The following DENND2B variants were observed in gnomAD, a reference collection of about 807,000 sequenced individuals.
DENND2B encodes the protein DENN domain-containing protein 2B.
In DENND2B, 32 loss-of-function variants were observed where a neutral mutation model predicts 116.0. The observed-to-expected ratio is 0.28, with a 90% confidence interval of 0.21 to 0.37. The LOEUF (loss-of-function observed/expected upper bound fraction) is 0.37, where lower values mean the gene tolerates loss of function less well. Ranked by LOEUF, DENND2B falls within the 10% of genes least tolerant of loss-of-function variation. The pLI is 1.00. For missense variants in DENND2B, 1,276 were observed against 1,477.7 expected (o/e 0.86, Z 2.24); for synonymous variants, 588 against 583.9 (o/e 1.01, Z -0.10).
upstream of DENND2B, chr11:8,871,503 G>A (rs562797950): frequency 6.6e-6 from 1 of 152,358 alleles, no homozygotes; most frequent in Non-Finnish European, 1.5e-5. Context: ...GGAGCTGGGA[G>A]AGTCTGGGAA....
At chr11:8,826,037 C>T (rs532816680) in intron 4 of DENND2B, among the ~76,000 whole-genome samples, 1 of 152,256 alleles carries the variant, frequency 6.6e-6, no homozygotes, top group East Asian at 1.9e-4. Context: ...TCTTTTGGAG[C>T]CCCTTAAACT....
chr11:8,711,099 C>G (rs768467704), intron 10 of DENND2B, 23 bp downstream of exon 10: 79 of 1,610,338 alleles, frequency 4.9e-5, no homozygotes, highest in Non-Finnish European at 6.5e-5. Context: ...CTCCTTCCTC[C>G]CTCAGGCCAG....
chr11:8,804,846 C>T (rs1469911803), intron 1 of DENND2B, among the ~76,000 whole-genome samples: 2 of 152,092 alleles, frequency 1.3e-5, no homozygotes, highest in Non-Finnish European at 2.9e-5. Context: ...GCCCAACCAG[C>T]AGCTACTTCT....
intron 1 of DENND2B, among the ~76,000 whole-genome samples, chr11:8,795,124 T>C (rs72849153): frequency 0.01 from 1,533 of 152,262 alleles, 19 homozygotes; most frequent in Non-Finnish European, 0.017. Flanking sequence ...TTTCCAAAAA[T>C]CAGACAAGCA....
chr11:8,816,132 C>A (rs2061559991), intron 4 of DENND2B, among the ~76,000 whole-genome samples: 1 of 152,184 alleles, frequency 6.6e-6, no homozygotes, highest in African/African-American at 2.4e-5. Flanking sequence ...TTGGTTGGAT[C>A]TTAGAATGCC....
intron 2 of DENND2B, among the ~76,000 whole-genome samples, chr11:8,749,893 G>C (rs980383064): frequency 6.6e-6 from 1 of 152,184 alleles, no homozygotes. Context: ...GACCAGAGAA[G>C]CCCTGGTGAG....
At chr11:8,696,359 A>AG in intron 18 of DENND2B, 68 bp downstream of exon 18, 1 of 1,584,956 alleles carries the variant, frequency 6.3e-7, no homozygotes, top group African/African-American at 1.4e-5. Context: ...CTTCCATCAT[A>AG]GTGCCTGGTT....
In DENND2B at chr11:8,730,385, T is replaced by G; in HGVS notation, c.905A>C (p.Gln302Pro). Residue 302 changes from glutamine (Q) to proline (P), a missense_variant, in exon 3 of 20, where the codon CAG becomes CCG. Gln to Pro is a moderately conservative substitution (Grantham distance 76, BLOSUM62 -1). This residue lies in a region of DENND2B where 856 missense variants were observed against 846.6 expected (regional missense o/e 1.01). Transcript: ENST00000313726. The surrounding 1 kb of genome is among the most constrained non-coding windows in gnomAD (Gnocchi z 4.1). The part of the protein sequence containing the change: ...LKEQPGRGLP[Q>P]LPSSCYSVDR... ...CACGCTGTAGCAGCTGCTGGGGAGC[T>G]GGGGGAGCCCCCGGCCCGGCTGCTC... 6.2e-7 allele frequency: 1 copy of G among 1,605,244 alleles called. No individual in the cohort carries two copies. The highest frequency in any genetic ancestry group is 8.5e-7 in the Non-Finnish European group (1 of 1,179,924).
rs1271750009 is a variant in DENND2B, at chr11:8,702,775, C to T, written c.2572-55G>A. On this transcript the variant is annotated intron_variant, in intron 13 of 19. Transcript: ENST00000313726. The surrounding 1 kb of genome is among the most constrained non-coding windows in gnomAD (Gnocchi z 4.6). ...GGGCCAGCCAAGTGGGTGCTGCCCT[C>T]TGGCCCTCCACGAAGCAACTGGAGC... 1.3e-6 allele frequency: 2 copies of T among 1,584,536 alleles called. No individual in the cohort carries two copies. The highest frequency in any genetic ancestry group is 1.7e-6 in the Non-Finnish European group (2 of 1,168,460).
In DENND2B at chr11:8,892,604, G is replaced by A. The variant is rs536653211; in HGVS notation, c.-255-11495C>T. Among the ~76,000 whole-genome samples, 73 of 152,250 alleles carry A rather than the reference G, an allele frequency of 4.8e-4. 1 individual carries two copies. Among genetic ancestry groups the A allele is most frequent in the African/African-American group, 1.7e-3 (72 of 41,562 alleles). Reference sequence around the variant, plus strand: ...CACAGAAATACAAACTACCATCAGAGAATACTATAAACACCTCTACGCAAA... The same window carrying A: ...CACAGAAATACAAACTACCATCAGAAAATACTATAAACACCTCTACGCAAA... On this transcript the variant is annotated intron_variant, in intron 1 of 22. Coordinates refer to the DENND2B transcript ENST00000534127.
chr11:8,738,260 G>C (rs1454472344), intron 2 of DENND2B, among the ~76,000 whole-genome samples: 1 of 152,144 alleles, frequency 6.6e-6, no homozygotes, highest in Non-Finnish European at 1.5e-5. Context: ...GCTGCTTTAC[G>C]CTTCAGTTGA....
chr11:8,740,423 G>T (rs1003607248), intron 2 of DENND2B, among the ~76,000 whole-genome samples: 3 of 152,104 alleles, frequency 2.0e-5, no homozygotes, highest in Non-Finnish European at 4.4e-5. Flanking sequence ...CTCATATATT[G>T]TCAGGTGCCC....
chr11:8,779,001 A>G (rs536035279), intron 1 of DENND2B, among the ~76,000 whole-genome samples: 5 of 152,260 alleles, frequency 3.3e-5, no homozygotes, highest in Non-Finnish European at 7.3e-5. Flanking sequence ...TAACATTGAC[A>G]GTAATTATTG....
In DENND2B at chr11:8,795,931, C is replaced by A. The variant is rs935126263; in HGVS notation, c.-26+14586G>T. 3.3e-5 allele frequency among the ~76,000 whole-genome samples: 5 copies of A among 152,296 alleles called. No homozygotes were observed. In the East Asian group the frequency reaches 7.7e-4, roughly 23 times the overall value. ...ATCTGAACAACACCCTGTAAAGGAACCTTTCCCAACTACATTATCTTTCCT... is the reference window on the plus strand; with the variant it reads ...ATCTGAACAACACCCTGTAAAGGAAACTTTCCCAACTACATTATCTTTCCT... On this transcript the variant is annotated intron_variant, in intron 1 of 19. Coordinates refer to ENST00000313726, the MANE Select transcript of DENND2B (RefSeq NM_213618.2).
chr11:8,712,459 G>T lies in DENND2B; in HGVS notation c.2172+92C>A. 7.2e-7 allele frequency: 1 copy of T among 1,388,354 alleles called. No individual in the cohort carries two copies. Among genetic ancestry groups the T allele is most frequent in the Non-Finnish European group, 9.7e-7 (1 of 1,030,132 alleles). 86.0% of individuals were successfully genotyped at this position (1,388,354 alleles called of 1,614,324 possible). On this transcript the variant is annotated intron_variant, in intron 9 of 19. Coordinates refer to ENST00000313726, the MANE Select transcript of DENND2B (RefSeq NM_213618.2). The surrounding 1 kb of genome is among the most constrained non-coding windows in gnomAD (Gnocchi z 4.4). Reference sequence around the variant, plus strand: ...TGGCAGCTCGGTGAGGACGTATGACGAACAAGATCTCTCTCCTTCCCCAGA... The same window carrying T: ...TGGCAGCTCGGTGAGGACGTATGACTAACAAGATCTCTCTCCTTCCCCAGA...
At chr11:8,811,109 G>T (rs947458197), upstream of DENND2B, 1 of 393,104 alleles carries the variant, frequency 2.5e-6, no homozygotes, top group African/African-American at 2.1e-5. Flanking sequence ...AGCTTCCTCT[G>T]GGTCCTGGAG....
chr11:8,756,329 G>A (rs370012824), intron 1 of DENND2B, among the ~76,000 whole-genome samples: 1 of 152,318 alleles, frequency 6.6e-6, no homozygotes, highest in East Asian at 1.9e-4. Flanking sequence ...TACTAAGAAA[G>A]AGAAATGTAG....
intron 13 of DENND2B, among the ~76,000 whole-genome samples, chr11:8,706,770 C>T (rs184233069): frequency 5.4e-4 from 83 of 152,332 alleles, no homozygotes; most frequent in Non-Finnish European, 9.1e-4. Flanking sequence ...TCTGACTCTG[C>T]TCTGAGGTCT....
intron 2 of DENND2B, among the ~76,000 whole-genome samples, chr11:8,749,310 C>A (rs1027253594): frequency 2.6e-5 from 4 of 152,232 alleles, no homozygotes; most frequent in Non-Finnish European, 4.4e-5. Flanking sequence ...CCCAGCCTCA[C>A]TCAGTACAGG....
Sources: allele counts gnomAD v4.1 joint callset (sites outside exome capture counted in the v4.1 genomes callset), GRCh38; gene constraint gnomAD v4.1.1; regional missense constraint gnomAD v4.1.1; non-coding constraint Gnocchi (gnomAD v3.1); transcripts MANE v1.5; gene names NCBI Gene and HGNC (gene_info 2026-07-23, HGNC 2026-07-21).